ROBO1: variants seen among roughly 807,000 people sequenced by gnomAD.
The protein encoded by ROBO1 is roundabout guidance receptor 1.
A neutral mutation model predicts 195.9 loss-of-function variants in ROBO1; 149 were observed. The ratio of observed to expected loss-of-function variants is 0.76; its 90% CI spans 0.67 to 0.87. The LOEUF is 0.87. Ranked by LOEUF, ROBO1 falls within the 40% of genes least tolerant of loss-of-function variation. ROBO1 has a pLI of 0.00. For synonymous variants in ROBO1, 816 were observed against 733.2 expected (o/e 1.11, Z -1.82); for missense variants, 1,933 against 2,068.3 (o/e 0.93, Z 1.27).
At chr3:78,677,053 C>G (rs9863980) in intron 10 of ROBO1, among the ~76,000 whole-genome samples, 85,463 of 151,106 alleles carry the variant, frequency 0.57, 24,894 homozygotes, top group East Asian at 0.78. Flanking sequence ...TTTCAACCCA[C>G]AATTTCATAT....
intron 1 of ROBO1, among the ~76,000 whole-genome samples, chr3:79,652,248 A>G (rs1946032243): frequency 6.6e-6 from 1 of 152,054 alleles, no homozygotes; most frequent in Non-Finnish European, 1.5e-5. Context: ...TCTTTGAGGT[A>G]GCGCTTACAT....
chr3:78,757,192 G>A (rs560906951), intron 4 of ROBO1, among the ~76,000 whole-genome samples: 4 of 152,220 alleles, frequency 2.6e-5, no homozygotes, highest in South Asian at 4.1e-4. Flanking sequence ...GCGTGTGGCT[G>A]AGAATCATAA....
At chr3:79,191,950 A>G (rs1330487705) in intron 2 of ROBO1, among the ~76,000 whole-genome samples, 3 of 151,560 alleles carry the variant, frequency 2.0e-5, no homozygotes, top group Non-Finnish European at 4.4e-5. Context: ...GGTTTCAATA[A>G]TATAATATTT....
Position 78,667,974 on chromosome 3 carries a change from T to C in ROBO1, c.1875A>G (p.Lys625=). 1.2e-6 allele frequency: 2 copies of C among 1,613,712 alleles called. No individual in the cohort carries two copies. The highest frequency in any genetic ancestry group is 1.7e-6 in the Non-Finnish European group (2 of 1,179,764). Residue 625 remains lysine, a synonymous_variant, in exon 14 of 31, where the codon AAA becomes AAG. Coordinates refer to ENST00000464233, the MANE Select transcript of ROBO1 (RefSeq NM_002941.4). The part of the protein sequence containing the change: ...KTETSAIKGL[K]PNAIYLFLVR... ...CAAGGAAAAGGTAAATTGCATTAGG[T>C]TTGAGTCCTTTAATGGCAGATGTTT... is the stretch of plus-strand genomic sequence containing the variant.
chr3:79,735,962 G>A (rs144073754), intron 1 of ROBO1, among the ~76,000 whole-genome samples: 1 of 151,318 alleles, frequency 6.6e-6, no homozygotes, highest in Non-Finnish European at 1.5e-5. Context: ...ATTATTTATT[G>A]AGCACATAAC....
At chr3:79,180,685 A>G (rs2081325783) in intron 2 of ROBO1, among the ~76,000 whole-genome samples, 1 of 152,226 alleles carries the variant, frequency 6.6e-6, no homozygotes, top group South Asian at 2.1e-4. Flanking sequence ...CCTGGCACAT[A>G]GTAATAAAAG....
chr3:79,333,102 C>T (rs1187851151), intron 2 of ROBO1, among the ~76,000 whole-genome samples: 1 of 151,294 alleles, frequency 6.6e-6, no homozygotes, highest in Admixed American at 6.6e-5. Flanking sequence ...GCTTGGGAGG[C>T]TTAGACAGGC....
intron 1 of ROBO1, among the ~76,000 whole-genome samples, chr3:79,687,775 C>A (rs181960961): frequency 2.6e-4 from 40 of 152,200 alleles, no homozygotes; most frequent in Non-Finnish European, 5.0e-4. Context: ...GCTGGTGGGA[C>A]CGTAAACTAG....
chr3:79,559,377 G>A (rs533581942), intron 2 of ROBO1, among the ~76,000 whole-genome samples: 2 of 152,078 alleles, frequency 1.3e-5, no homozygotes, highest in Admixed American at 6.6e-5. Flanking sequence ...ATAAATATTA[G>A]CATTCCACAA....
At chr3:79,503,576 T>C (rs1575930363) in intron 2 of ROBO1, among the ~76,000 whole-genome samples, 3 of 152,248 alleles carry the variant, frequency 2.0e-5, no homozygotes, top group Admixed American at 2.0e-4. Context: ...CTCATCTCTA[T>C]AAACAACAAA....
At chr3:78,714,293 A>T in intron 8 of ROBO1, 104 bp downstream of exon 8, 1 of 1,145,674 alleles carries the variant, frequency 8.7e-7, no homozygotes, top group Non-Finnish European at 1.2e-6. Context: ...AGCAATACTT[A>T]AAGTCTATAT....
intron 14 of ROBO1, among the ~76,000 whole-genome samples, chr3:78,663,090 A>G (rs1707525628): frequency 6.6e-6 from 1 of 152,088 alleles, no homozygotes; most frequent in Admixed American, 6.6e-5. Context: ...TCCCCATTAC[A>G]TAAAAAAATT....
chr3:78,627,222 T>G (rs1704855032), intron 26 of ROBO1, 99 bp downstream of exon 26: 1 of 1,352,740 alleles, frequency 7.4e-7, no homozygotes, highest in African/African-American at 1.5e-5. Flanking sequence ...AAAAGGCTTA[T>G]GAGACAAGAA....
intron 28 of ROBO1, among the ~76,000 whole-genome samples, chr3:78,608,282 T>G (rs1703587188): frequency 6.6e-6 from 1 of 151,996 alleles, no homozygotes; most frequent in South Asian, 2.1e-4. Context: ...ACTTTTGTAG[T>G]TTTTGTAGAG....
At chr3:79,320,264 A>C (rs763942927) in intron 2 of ROBO1, among the ~76,000 whole-genome samples, 33 of 152,258 alleles carry the variant, frequency 2.2e-4, no homozygotes, top group Non-Finnish European at 4.0e-4. Flanking sequence ...GTCTCTATTA[A>C]GCAGGTGCGA....
chr3:79,014,549 C>T (rs2077874164), intron 3 of ROBO1, among the ~76,000 whole-genome samples: 1 of 152,216 alleles, frequency 6.6e-6, no homozygotes, highest in Non-Finnish European at 1.5e-5. Context: ...TCCCACTTGG[C>T]TGCTCTGTCT....
intron 2 of ROBO1, among the ~76,000 whole-genome samples, chr3:79,312,201 C>T (rs1191614666): frequency 6.6e-6 from 1 of 152,230 alleles, no homozygotes; most frequent in African/African-American, 2.4e-5. Context: ...CCATTGCCCA[C>T]TTTGACTAAT....
chr3:79,543,697 GCTGTATT>G (rs1942159880), intron 2 of ROBO1, among the ~76,000 whole-genome samples: 1 of 151,962 alleles, frequency 6.6e-6, no homozygotes, highest in Non-Finnish European at 1.5e-5. Flanking sequence ...CTTTTTATTA[GCTGTATT>G]CAGATCTCAC....
intron 2 of ROBO1, among the ~76,000 whole-genome samples, chr3:79,522,026 G>A (rs1575962913): frequency 1.3e-5 from 2 of 152,152 alleles, no homozygotes; most frequent in South Asian, 4.1e-4. Context: ...TATTATGACT[G>A]TCAATATGGT....
Sources: allele counts gnomAD v4.1 joint callset (sites outside exome capture counted in the v4.1 genomes callset), GRCh38; gene constraint gnomAD v4.1.1; transcripts MANE v1.5; gene names NCBI Gene and HGNC (gene_info 2026-07-23, HGNC 2026-07-21).